Variants in LUZP2 observed in about 807,000 individuals in gnomAD.
LUZP2 encodes the protein leucine zipper protein 2.
A neutral mutation model predicts 51.6 loss-of-function variants in LUZP2; 52 were observed. That is an observed-to-expected ratio of 1.01 (90% CI 0.81 to 1.27). The LOEUF is 1.27. Ranked by LOEUF, LUZP2 falls within the 50% of genes most tolerant of loss-of-function variation. The probability of loss-of-function intolerance (pLI) is 0.00; values close to 1 mark genes in which losing one functional copy is unlikely to be tolerated. For synonymous variants in LUZP2, 154 were observed against 137.3 expected, an observed-to-expected ratio of 1.12 and a Z score of -0.85; for missense variants, 436 against 395.4, an observed-to-expected ratio of 1.10 and a Z score of -0.87.
At chr11:24,500,930 CA>C (rs1462571358) in intron 1 of LUZP2, among the ~76,000 whole-genome samples, 1 of 152,174 alleles carries the variant, frequency 6.6e-6, no homozygotes, top group Admixed American at 6.5e-5. Context: ...AAACTAACCT[CA>C]AGATCAACTT....
rs552338330 is a variant in LUZP2, at chr11:24,720,049, A to G, written c.63-9120A>G. On this transcript the variant is annotated intron_variant, in intron 1 of 11. Transcript: ENST00000336930. ...AAATAAATGATAATAAAATAGACAAATTATTAAATATTATGTAATTTATTG... is the reference window on the plus strand; with the variant it reads ...AAATAAATGATAATAAAATAGACAAGTTATTAAATATTATGTAATTTATTG... Among the ~76,000 whole-genome samples, 9 of 152,328 alleles carry G rather than the reference A, an allele frequency of 5.9e-5. No homozygotes were observed. In the South Asian group the frequency reaches 1.7e-3, roughly 28 times the overall value.
At chr11:24,922,834 TTTC>T (rs1252235894) in intron 7 of LUZP2, among the ~76,000 whole-genome samples, 506 of 44,270 alleles carry the variant, frequency 0.011, 98 homozygotes, top group African/African-American at 0.052. Flanking sequence ...TCTTTTTTTT[TTTC>T]TTTTTTTTTT....
At chr11:24,957,191 T>G (rs1565156189) in intron 7 of LUZP2, among the ~76,000 whole-genome samples, 2 of 152,158 alleles carry the variant, frequency 1.3e-5, no homozygotes, top group Admixed American at 1.3e-4. Context: ...CTAGCTGTTA[T>G]CTTTCGCTTA....
Position 24,969,937 on chromosome 11 carries a change from TTC to T in LUZP2, c.523-6650_523-6649del, listed in dbSNP as rs1295435910. Among the ~76,000 whole-genome samples, 6 of 152,074 alleles carry T rather than the reference TTC, an allele frequency of 3.9e-5. No individual in the cohort carries two copies. The East Asian group carries it at 1.2e-3, about 29-fold the overall frequency. On this transcript the variant is annotated intron_variant, in intron 7 of 11. Coordinates refer to ENST00000336930, the MANE Select transcript of LUZP2 (RefSeq NM_001009909.4). The stretch of plus-strand genomic sequence containing the variant: ...GCGCGCACACACACACGCATACACT[TTC>T]TCTTTCTTGAGGAATTCTAGGAATT...
intron 5 of LUZP2, among the ~76,000 whole-genome samples, chr11:24,845,366 C>T (rs185527004): frequency 4.7e-4 from 71 of 152,214 alleles, no homozygotes; most frequent in Non-Finnish European, 6.9e-4. Context: ...TTGGAAGTAA[C>T]TAATCTGCTT....
At chr11:24,642,207 CAT>C in intron 1 of LUZP2, among the ~76,000 whole-genome samples, 1 of 151,874 alleles carries the variant, frequency 6.6e-6, no homozygotes. Context: ...TATTTTAAGA[CAT>C]AGGATTTTTA....
intron 1 of LUZP2, among the ~76,000 whole-genome samples, chr11:24,623,266 G>C (rs1457049360): frequency 6.6e-6 from 1 of 151,992 alleles, no homozygotes; most frequent in African/African-American, 2.4e-5. Context: ...AAATTTACGG[G>C]ACTTAAAGAG....
At chr11:24,727,283 T>A (rs904620990) in intron 1 of LUZP2, among the ~76,000 whole-genome samples, 6 of 152,054 alleles carry the variant, frequency 3.9e-5, no homozygotes, top group African/African-American at 1.4e-4. Context: ...GCCAAATCAG[T>A]ATATTCTTTC....
At chr11:24,698,927 G>A (rs559630013) in intron 1 of LUZP2, among the ~76,000 whole-genome samples, 34 of 151,988 alleles carry the variant, frequency 2.2e-4, no homozygotes, top group Non-Finnish European at 4.4e-4. Flanking sequence ...TTGTGGTGGT[G>A]CACACCTGTA....
intron 1 of LUZP2, among the ~76,000 whole-genome samples, chr11:24,601,160 G>C (rs1406250411): frequency 1.3e-5 from 2 of 151,746 alleles, no homozygotes; most frequent in South Asian, 2.1e-4. Flanking sequence ...AAGATGGAGG[G>C]GTACAAATAT....
intron 1 of LUZP2, among the ~76,000 whole-genome samples, chr11:24,523,629 C>G (rs1431083179): frequency 6.6e-6 from 1 of 151,054 alleles, no homozygotes; most frequent in Non-Finnish European, 1.5e-5. Context: ...CTATTTAGCT[C>G]TAAATCAAGA....
At chr11:24,758,114 G>A (rs1859841021) in intron 4 of LUZP2, among the ~76,000 whole-genome samples, 1 of 151,850 alleles carries the variant, frequency 6.6e-6, no homozygotes, top group South Asian at 2.1e-4. Flanking sequence ...AAACTTATAG[G>A]CATATTTCAT....
At chr11:24,959,012 A>G (rs552134453) in intron 7 of LUZP2, among the ~76,000 whole-genome samples, 10 of 152,292 alleles carry the variant, frequency 6.6e-5, no homozygotes, top group Non-Finnish European at 1.3e-4. Flanking sequence ...TAAATAGGGA[A>G]TCCTTTCCCC....
At chr11:24,837,035 C>A (rs1345400336) in intron 5 of LUZP2, among the ~76,000 whole-genome samples, 1 of 135,304 alleles carries the variant, frequency 7.4e-6, no homozygotes, top group Non-Finnish European at 1.6e-5. Flanking sequence ...AAGCTATTGA[C>A]AACCTTGGAA....
intron 1 of LUZP2, among the ~76,000 whole-genome samples, chr11:24,720,697 G>A (rs912131378): frequency 6.6e-6 from 1 of 151,898 alleles, no homozygotes; most frequent in African/African-American, 2.4e-5. Flanking sequence ...TCTTTTGTTT[G>A]TTTGTTTTGT....
chr11:24,953,160 C>T (rs1441955361), intron 7 of LUZP2, among the ~76,000 whole-genome samples: 2 of 151,894 alleles, frequency 1.3e-5, no homozygotes, highest in Non-Finnish European at 2.9e-5. Context: ...GTTTCACTAT[C>T]TGCTGCTTTC....
chr11:24,963,171 T>A (rs952799965), intron 7 of LUZP2, among the ~76,000 whole-genome samples: 2 of 152,128 alleles, frequency 1.3e-5, no homozygotes, highest in African/African-American at 4.8e-5. Flanking sequence ...AGTCTGCCCC[T>A]ACTGGGGGGT....
chr11:24,704,079 T>C (rs1389102300), intron 1 of LUZP2, among the ~76,000 whole-genome samples: 1 of 152,058 alleles, frequency 6.6e-6, no homozygotes, highest in African/African-American at 2.4e-5. Flanking sequence ...GATAAGTGTT[T>C]GTCTAATCCA....
At chr11:24,805,513 T>C (rs1279677149) in intron 5 of LUZP2, among the ~76,000 whole-genome samples, 1 of 152,156 alleles carries the variant, frequency 6.6e-6, no homozygotes, top group Non-Finnish European at 1.5e-5. Flanking sequence ...TCATACTCTT[T>C]CCTTTGTCAA....
Sources: allele counts gnomAD v4.1 joint callset (sites outside exome capture counted in the v4.1 genomes callset), GRCh38; gene constraint gnomAD v4.1.1; transcripts MANE v1.5; gene names NCBI Gene and HGNC (gene_info 2026-07-23, HGNC 2026-07-21).